RNF150: variants seen among roughly 807,000 people sequenced by gnomAD.
RNF150 encodes the protein ring finger protein 150.
RNF150 carries 24 observed loss-of-function variants against 39.3 expected under a neutral mutation model. That is an observed-to-expected ratio of 0.61 (90% CI 0.44 to 0.86). The LOEUF (loss-of-function observed/expected upper bound fraction) is 0.86. Ranked by LOEUF, RNF150 falls within the 40% of genes least tolerant of loss-of-function variation. The probability of loss-of-function intolerance (pLI) is 0.00; values close to 1 mark genes in which losing one functional copy is unlikely to be tolerated. For synonymous variants in RNF150, 255 were observed against 227.3 expected, an observed-to-expected ratio of 1.12 and a Z score of -1.10; for missense variants, 502 against 587.8, an observed-to-expected ratio of 0.85 and a Z score of 1.51.
chr4:141,176,153 C>A (rs1727808198), intron 1 of RNF150, among the ~76,000 whole-genome samples: 1 of 151,808 alleles, frequency 6.6e-6, no homozygotes, highest in Non-Finnish European at 1.5e-5. Context: ...CTGCCTCAGT[C>A]TCCCAAAGTG....
Position 141,027,926 on chromosome 4 carries a change from GTTTTTTTTTT to G in RNF150, c.485-60063_485-60054del, listed in dbSNP as rs61543533. On this transcript the variant is annotated intron_variant, in intron 1 of 6. Transcript: ENST00000515673. ...GCTTGGAATTTGTTTTTTTTTTTTT[GTTTTTTTTTT>G]TTTTTTTTTTTTTTTTCAATCCTGC... Among the ~76,000 whole-genome samples, 52 of 69,152 alleles carry G rather than the reference GTTTTTTTTTT, an allele frequency of 7.5e-4. 7 individuals carry two copies. The highest frequency in any genetic ancestry group is 2.6e-3 in the African/African-American group (48 of 18,450). The allele number at this position is 69,152 out of a possible 152,430, so 45.4% of individuals were successfully genotyped here.
chr4:140,893,788 T>C (rs1729845001), intron 6 of RNF150, among the ~76,000 whole-genome samples: 1 of 152,198 alleles, frequency 6.6e-6, no homozygotes, highest in South Asian at 2.1e-4. Flanking sequence ...TGGATTATCA[T>C]GAGTGACTAA....
intron 1 of RNF150, among the ~76,000 whole-genome samples, chr4:141,094,744 C>A (rs1738711711): frequency 6.6e-6 from 1 of 152,226 alleles, no homozygotes; most frequent in Non-Finnish European, 1.5e-5. Context: ...AGACTCTCAG[C>A]AGAGAAATTT....
chr4:141,152,109 G>C (rs559813440), intron 1 of RNF150, among the ~76,000 whole-genome samples: 1 of 152,158 alleles, frequency 6.6e-6, no homozygotes, highest in African/African-American at 2.4e-5. Context: ...CAAGCAATCT[G>C]GGAAATTGTG....
chr4:140,956,155 C>G (rs1732744714), intron 2 of RNF150, among the ~76,000 whole-genome samples: 1 of 152,264 alleles, frequency 6.6e-6, no homozygotes, highest in Non-Finnish European at 1.5e-5. Flanking sequence ...TTTCAAGTCA[C>G]AGACCCAGTC....
chr4:141,132,730 G>C lies in RNF150; in HGVS notation c.79C>G (p.Leu27Val), dbSNP rs962901218. 2 of 1,610,704 alleles carry C rather than the reference G, an allele frequency of 1.2e-6. No homozygotes were observed. The highest frequency in any genetic ancestry group is 4.5e-5 in the East Asian group (2 of 44,648). The change falls in exon 1 of 7, where the codon CTC becomes GTC. Residue 27 changes from leucine (L) to valine (V), a missense_variant. Transcript: ENST00000515673. The surrounding 1 kb of genome is among the most constrained non-coding windows in gnomAD (Gnocchi z 4.9). ...TCGGCCACGGTAAAGTCCAGGCAGAGCAGATGCACGAAACAAAAGGAAAGC... is the reference window on the plus strand; with the variant it reads ...TCGGCCACGGTAAAGTCCAGGCAGACCAGATGCACGAAACAAAAGGAAAGC... Reference protein sequence around the residue: ...WLLSFCFVHLLCLDFTVAEKE... With the variant: ...WLLSFCFVHLVCLDFTVAEKE...
At chr4:141,061,912 C>A (rs943922319) in intron 1 of RNF150, among the ~76,000 whole-genome samples, 1 of 152,042 alleles carries the variant, frequency 6.6e-6, no homozygotes, top group Non-Finnish European at 1.5e-5. Flanking sequence ...TTGAAGGAAT[C>A]GCCTCCCAAA....
chr4:141,144,500 C>T (rs1042388073), intron 1 of RNF150, among the ~76,000 whole-genome samples: 2 of 152,062 alleles, frequency 1.3e-5, no homozygotes, highest in African/African-American at 2.4e-5. Context: ...GTGGAGAGAT[C>T]GTGAATTCTA....
intron 2 of RNF150, among the ~76,000 whole-genome samples, chr4:140,951,622 C>A (rs1214079237): frequency 6.7e-6 from 1 of 148,478 alleles, no homozygotes; most frequent in Admixed American, 6.8e-5. Context: ...TAGGGACAAA[C>A]TATAAGTGAT....
chr4:141,197,831 T>C (rs1157829422), intron 1 of RNF150, among the ~76,000 whole-genome samples: 2 of 151,306 alleles, frequency 1.3e-5, no homozygotes, highest in African/African-American at 2.4e-5. Flanking sequence ...TGAGCCAAGA[T>C]GGCACCACTG....
intron 1 of RNF150, among the ~76,000 whole-genome samples, chr4:141,032,979 G>A (rs1278910431): frequency 1.3e-5 from 2 of 152,082 alleles, no homozygotes; most frequent in African/African-American, 2.4e-5. Context: ...GAGGGCTGCC[G>A]ACTGATCAGG....
intron 5 of RNF150, among the ~76,000 whole-genome samples, chr4:140,919,940 G>C (rs1186735264): frequency 6.6e-6 from 1 of 152,134 alleles, no homozygotes; most frequent in Non-Finnish European, 1.5e-5. Context: ...AGGGGGAAAG[G>C]ATTCCCTATT....
At chr4:140,913,982 G>A (rs931897954) in intron 5 of RNF150, among the ~76,000 whole-genome samples, 7 of 152,180 alleles carry the variant, frequency 4.6e-5, no homozygotes, top group Non-Finnish European at 8.8e-5. Context: ...AAAAGATTTC[G>A]CAAAGAGGGT....
chr4:141,104,444 G>C (rs1739130878), intron 1 of RNF150, among the ~76,000 whole-genome samples: 1 of 152,188 alleles, frequency 6.6e-6, no homozygotes, highest in Non-Finnish European at 1.5e-5. Context: ...GAAGAAGAAT[G>C]AAAGGCTCTC....
Position 141,132,790 on chromosome 4 carries a change from GGAT to G in RNF150, c.16_18del (p.Ile6del). 6.2e-7 allele frequency: 1 copy of G among 1,608,656 alleles called. No homozygotes were observed. The highest frequency in any genetic ancestry group is 8.5e-7 in the Non-Finnish European group (1 of 1,177,502). On this transcript the variant is annotated inframe_deletion, in exon 1 of 7. Transcript: ENST00000515673. The surrounding 1 kb of genome is among the most constrained non-coding windows in gnomAD (Gnocchi z 4.9). ...GAGAGAGCCAGACTGCAGCACGCTT[GGAT>G]GAGAGACATTGCCATCTTTATCCGC...
chr4:141,164,625 G>A (rs530326708), intron 1 of RNF150, among the ~76,000 whole-genome samples: 1 of 152,264 alleles, frequency 6.6e-6, no homozygotes, highest in South Asian at 2.1e-4. Context: ...AACCCTAAAA[G>A]CCAGAAGAGA....
Position 141,074,922 on chromosome 4 carries a change from T to C in RNF150, c.484+57403A>G, listed in dbSNP as rs984418699. 2.6e-5 allele frequency among the ~76,000 whole-genome samples: 4 copies of C among 152,224 alleles called. No homozygotes were observed. The South Asian group carries it at 6.2e-4, about 24-fold the overall frequency. On this transcript the variant is annotated intron_variant, in intron 1 of 6. Coordinates refer to ENST00000515673, the MANE Select transcript of RNF150 (RefSeq NM_020724.2). ...TTCTAAATACCATGTGAATGGAAAC[T>C]ACTCCCTAACCAGCACATTACATAT... is the stretch of plus-strand genomic sequence containing the variant.
chr4:140,930,192 AC>A (rs1032974154), intron 4 of RNF150, among the ~76,000 whole-genome samples: 25 of 152,118 alleles, frequency 1.6e-4, no homozygotes, highest in African/African-American at 5.8e-4. Context: ...CAACCAAACA[AC>A]CCTGAGGCTT....
chr4:141,176,175 G>A (rs1341749033), intron 1 of RNF150, among the ~76,000 whole-genome samples: 1 of 152,030 alleles, frequency 6.6e-6, no homozygotes, highest in Non-Finnish European at 1.5e-5. Flanking sequence ...TGGGATTACA[G>A]GCATGAGCCA....
Sources: gnomAD v4.1 joint callset for allele counts (sites outside exome capture counted in the v4.1 genomes callset) on GRCh38, gnomAD v4.1.1 for gene constraint, Gnocchi (gnomAD v3.1) non-coding constraint, MANE v1.5 for transcripts, NCBI Gene and HGNC (gene_info 2026-07-23, HGNC 2026-07-21) for gene names.